The following DUSP22 variants were observed in gnomAD, a reference collection of about 807,000 sequenced individuals.
DUSP22 encodes dual specificity protein phosphatase 22.
Under a neutral mutation model 24.5 loss-of-function variants are expected in DUSP22, and 24 were observed. That is an observed-to-expected ratio of 0.98 (90% CI 0.71 to 1.38). The LOEUF is 1.38. Ranked by LOEUF, DUSP22 falls within the 40% of genes most tolerant of loss-of-function variation. DUSP22 has a pLI of 0.00. For synonymous variants in DUSP22, 160 were observed against 106.4 expected (o/e 1.50, Z -3.10); for missense variants, 330 against 269.2 (o/e 1.23, Z -1.58).
Position 304,472 on chromosome 6 carries a change from T to G in DUSP22, c.22-156T>G, listed in dbSNP as rs565603801. On this transcript the variant is annotated intron_variant, in intron 1 of 6. Transcript: ENST00000419235. ...CAACCCACGGCCTTCCACAGGCCGC[T>G]GGGGATGTTGGGTCACCCGCGTGTC... Among the ~76,000 whole-genome samples, 4 of 152,406 alleles carry G rather than the reference T, an allele frequency of 2.6e-5. No individual in the cohort carries two copies. The South Asian group carries it at 8.3e-4, about 32-fold the overall frequency.
intron 4 of DUSP22, among the ~76,000 whole-genome samples, chr6:341,265 AG>A (rs1426351533): frequency 1.3e-5 from 2 of 152,306 alleles, no homozygotes; most frequent in African/African-American, 4.8e-5. Flanking sequence ...GTGGACGTAA[AG>A]GTGAACTGCC....
chr6:315,206 G>A (rs1758288624), intron 3 of DUSP22, among the ~76,000 whole-genome samples: 1 of 152,310 alleles, frequency 6.6e-6, no homozygotes, highest in South Asian at 2.1e-4. Context: ...AAACGTAATA[G>A]AAACCTGGGG....
At chr6:302,603 C>T (rs957828736) in intron 1 of DUSP22, among the ~76,000 whole-genome samples, 13 of 152,424 alleles carry the variant, frequency 8.5e-5, no homozygotes, top group South Asian at 2.1e-4. Context: ...CACACCTCTA[C>T]GCTGAGTGCC....
intron 1 of DUSP22, among the ~76,000 whole-genome samples, chr6:303,146 G>A (rs1249095852): frequency 6.6e-6 from 1 of 152,294 alleles, no homozygotes; most frequent in Non-Finnish European, 1.5e-5. Context: ...GAGACCCTCG[G>A]GAATGAGAGA....
intron 1 of DUSP22, among the ~76,000 whole-genome samples, chr6:304,025 G>T (rs1353548824): frequency 6.6e-6 from 1 of 152,298 alleles, no homozygotes; most frequent in Non-Finnish European, 1.5e-5. Flanking sequence ...ACAACCCATT[G>T]TTGACTGTCA....
At chr6:334,340 T>C (rs1759270238) in intron 3 of DUSP22, among the ~76,000 whole-genome samples, 2 of 152,304 alleles carry the variant, frequency 1.3e-5, no homozygotes, top group Non-Finnish European at 2.9e-5. Flanking sequence ...TTATGTTTTG[T>C]GTTTCTACTT....
At position 298,105 on chromosome 6, in the gene DUSP22, C is replaced by T. The variant is rs899913085; in HGVS notation, c.21+5545C>T. On this transcript the variant is annotated intron_variant, in intron 1 of 6. Coordinates refer to ENST00000419235, the MANE Select transcript of DUSP22 (RefSeq NM_001286555.3). ...GCCGGTGGGCTCTGGTTCCTTTCCT[C>T]TACACCACCCCCCGAGGGCTCTCTC... 3.9e-5 allele frequency among the ~76,000 whole-genome samples: 6 copies of T among 152,424 alleles called. No homozygotes were observed. In the East Asian group the frequency reaches 9.6e-4, roughly 24 times the overall value.
intron 2 of DUSP22, among the ~76,000 whole-genome samples, chr6:311,309 C>T (rs988290883): frequency 6.6e-5 from 10 of 152,298 alleles, no homozygotes; most frequent in Admixed American, 6.5e-4. Flanking sequence ...TGCACCTGAT[C>T]ATTTAAAGGG....
intron 1 of DUSP22, among the ~76,000 whole-genome samples, chr6:294,593 T>G (rs1581136789): frequency 6.6e-6 from 1 of 152,298 alleles, no homozygotes; most frequent in Admixed American, 6.5e-5. Context: ...TCATGGAAGA[T>G]TCCATGTTTT....
At chr6:310,257 G>A (rs550502390) in intron 2 of DUSP22, among the ~76,000 whole-genome samples, 12 of 152,412 alleles carry the variant, frequency 7.9e-5, no homozygotes, top group Middle Eastern at 3.4e-3. Context: ...CACCATGCCC[G>A]GCCTAAACAT....
intron 4 of DUSP22, chr6:337,297 C>G (rs1759399698): frequency 6.6e-6 from 1 of 152,450 alleles, no homozygotes; most frequent in African/African-American, 2.4e-5. Context: ...TCTGAAAATG[C>G]CTGCCCTCAG....
chr6:292,985 T>C (rs527830466), intron 1 of DUSP22, among the ~76,000 whole-genome samples: 1 of 152,404 alleles, frequency 6.6e-6, no homozygotes, highest in Admixed American at 6.5e-5. Flanking sequence ...TGTAATTTCC[T>C]CTTTCTCCTC....
intron 3 of DUSP22, among the ~76,000 whole-genome samples, chr6:324,695 C>G (rs988825434): frequency 1.3e-5 from 2 of 152,422 alleles, no homozygotes. Context: ...CTCAAAACAG[C>G]TTCTAGAGTA....
intron 3 of DUSP22, among the ~76,000 whole-genome samples, chr6:334,318 A>T (rs1759269050): frequency 6.6e-6 from 1 of 152,300 alleles, no homozygotes; most frequent in African/African-American, 2.4e-5. Flanking sequence ...TTACAAAGAG[A>T]ATATCAGATT....
intron 1 of DUSP22, among the ~76,000 whole-genome samples, chr6:300,938 G>A (rs796218467): frequency 1.2e-4 from 18 of 152,422 alleles, no homozygotes; most frequent in Admixed American, 5.9e-4. Flanking sequence ...TGGGGCTACC[G>A]CAAGATGCTG....
intron 1 of DUSP22, among the ~76,000 whole-genome samples, chr6:300,636 T>G (rs1757536817): frequency 6.6e-6 from 1 of 152,306 alleles, no homozygotes; most frequent in Non-Finnish European, 1.5e-5. Context: ...GAGTGATCTC[T>G]GGAGGGTTCC....
At chr6:305,048 ATAC>A in intron 2 of DUSP22, among the ~76,000 whole-genome samples, 1 of 152,424 alleles carries the variant, frequency 6.6e-6, no homozygotes, top group East Asian at 1.9e-4. Context: ...AAGCTGAATA[ATAC>A]TCCATTGTGT....
intron 5 of DUSP22, among the ~76,000 whole-genome samples, chr6:346,702 TATTA>T (rs1255292708): frequency 6.6e-6 from 1 of 152,300 alleles, no homozygotes; most frequent in Non-Finnish European, 1.5e-5. Context: ...TGAAGTGTGT[TATTA>T]ATTAACTGGA....
At chr6:347,972 T>C in intron 5 of DUSP22, 131 bp from the exon 6 acceptor site, 1 of 1,360,180 alleles carries the variant, frequency 7.4e-7, no homozygotes. Flanking sequence ...GCGAGCTTGC[T>C]GTCCACATAT....
Sources: gnomAD v4.1 joint callset for allele counts (sites outside exome capture counted in the v4.1 genomes callset) on GRCh38, gnomAD v4.1.1 for gene constraint, MANE v1.5 for transcripts, NCBI Gene and HGNC (gene_info 2026-07-23, HGNC 2026-07-21) for gene names.